The following PIK3C2G variants were observed in gnomAD, a reference collection of about 807,000 sequenced individuals.
PIK3C2G encodes phosphatidylinositol 3-kinase C2 domain-containing subunit gamma.
Under a neutral mutation model 181.1 loss-of-function variants are expected in PIK3C2G, and 168 were observed. The ratio of observed to expected loss-of-function variants is 0.93; its 90% confidence interval spans 0.82 to 1.05. The LOEUF (loss-of-function observed/expected upper bound fraction) is 1.05. PIK3C2G is among the 50% of genes least tolerant of loss of function. The probability of loss-of-function intolerance (pLI) is 0.00; values close to 1 mark genes in which losing one functional copy is unlikely to be tolerated. For missense variants in PIK3C2G, 1,869 were observed against 1,732.8 expected, an observed-to-expected ratio of 1.08 and a Z score of -1.40; for synonymous variants, 573 against 592.2, an observed-to-expected ratio of 0.97 and a Z score of 0.47.
the PIK3C2G span, among the ~76,000 whole-genome samples, chr12:18,704,717 T>C: frequency 6.6e-6 from 1 of 152,096 alleles, no homozygotes; most frequent in East Asian, 1.9e-4. Flanking sequence ...AATACTTCAG[T>C]ATGCTCAAAT....
chr12:18,723,338 T>C, the PIK3C2G span: 4 of 1,612,382 alleles, frequency 2.5e-6, no homozygotes, highest in East Asian at 2.2e-5. Context: ...TATTTCTGAA[T>C]GATCTCAAAA....
chr12:18,378,898 A>G (rs1942643909), intron 13 of PIK3C2G, among the ~76,000 whole-genome samples: 1 of 152,178 alleles, frequency 6.6e-6, no homozygotes, highest in African/African-American at 2.4e-5. Flanking sequence ...AAATAGGAAC[A>G]CTTTTACACT....
chr12:18,351,729 AT>A, intron 11 of PIK3C2G, among the ~76,000 whole-genome samples: 1 of 152,344 alleles, frequency 6.6e-6, no homozygotes, highest in South Asian at 2.1e-4. Context: ...GTCATCCTGT[AT>A]ACTGTAAATC....
chr12:18,588,606 G>T (rs888845778), intron 29 of PIK3C2G, among the ~76,000 whole-genome samples: 1 of 152,042 alleles, frequency 6.6e-6, no homozygotes. Context: ...TGCTGGAGAG[G>T]TTATGGAGAA....
chr12:18,679,423 G>T, the PIK3C2G span, among the ~76,000 whole-genome samples: 2 of 151,862 alleles, frequency 1.3e-5, no homozygotes, highest in Non-Finnish European at 2.9e-5. Context: ...CATAACTTTA[G>T]CTTTTTCATT....
intron 26 of PIK3C2G, among the ~76,000 whole-genome samples, chr12:18,557,713 T>G (rs1023835274): frequency 6.6e-6 from 1 of 152,130 alleles, no homozygotes; most frequent in Non-Finnish European, 1.5e-5. Context: ...TTCAAAAGAA[T>G]ATGCATATGT....
intron 18 of PIK3C2G, among the ~76,000 whole-genome samples, chr12:18,440,239 G>A (rs1233142436): frequency 6.6e-6 from 1 of 151,978 alleles, no homozygotes; most frequent in Non-Finnish European, 1.5e-5. Flanking sequence ...TTATAATCCT[G>A]TCCCATAGGA....
At chr12:18,365,027 G>C (rs1262822477) in intron 12 of PIK3C2G, among the ~76,000 whole-genome samples, 1 of 152,082 alleles carries the variant, frequency 6.6e-6, no homozygotes, top group Non-Finnish European at 1.5e-5. Context: ...CCATCATATA[G>C]ATAATTCAAG....
At chr12:18,516,917 T>A (rs536910146) in intron 24 of PIK3C2G, among the ~76,000 whole-genome samples, 1 of 152,144 alleles carries the variant, frequency 6.6e-6, no homozygotes, top group South Asian at 2.1e-4. Context: ...CTGAATTCCT[T>A]TAAGAAGATT....
chr12:18,505,600 C>A (rs562265123), intron 24 of PIK3C2G, 139 bp downstream of exon 24: 162 of 521,920 alleles, frequency 3.1e-4, no homozygotes, highest in African/African-American at 2.9e-3. Flanking sequence ...GATAATATAT[C>A]TAATAAGATT....
At chr12:18,334,648 C>T (rs917040221) in intron 8 of PIK3C2G, among the ~76,000 whole-genome samples, 6 of 152,192 alleles carry the variant, frequency 3.9e-5, no homozygotes, top group Non-Finnish European at 8.8e-5. Context: ...TACATTCTCT[C>T]TCGGGACAAT....
At chr12:18,325,944 A>G (rs1194192596) in intron 8 of PIK3C2G, among the ~76,000 whole-genome samples, 3 of 152,162 alleles carry the variant, frequency 2.0e-5, no homozygotes, top group Non-Finnish European at 2.9e-5. Context: ...TAGGCAGAGT[A>G]GTAGAATGAC....
intron 3 of PIK3C2G, among the ~76,000 whole-genome samples, chr12:18,288,245 T>C (rs1229268000): frequency 6.6e-6 from 1 of 152,362 alleles, no homozygotes. Context: ...GTTTGAAATA[T>C]AATAACTATA....
chr12:18,425,479 A>G (rs1161821640), intron 18 of PIK3C2G, among the ~76,000 whole-genome samples: 5 of 139,792 alleles, frequency 3.6e-5, no homozygotes, highest in Admixed American at 8.3e-5. Flanking sequence ...GCAACCTCCA[A>G]CTCTCTGGTT....
chr12:18,265,318 C>A (rs1948436712), intron 1 of PIK3C2G, among the ~76,000 whole-genome samples: 1 of 151,890 alleles, frequency 6.6e-6, no homozygotes, highest in African/African-American at 2.4e-5. Context: ...TGAATAAATA[C>A]AAAATTAAAT....
chr12:18,449,515 A>G, intron 18 of PIK3C2G, among the ~76,000 whole-genome samples: 1 of 151,824 alleles, frequency 6.6e-6, no homozygotes, highest in African/African-American at 2.4e-5. Flanking sequence ...ATGTGTTCTC[A>G]TTGTTCAACT....
At chr12:18,641,191 C>G (rs1949820858) in intron 32 of PIK3C2G, among the ~76,000 whole-genome samples, 1 of 152,110 alleles carries the variant, frequency 6.6e-6, no homozygotes, top group African/African-American at 2.4e-5. Flanking sequence ...AACAAAAACT[C>G]CCCAACTCAG....
intron 1 of PIK3C2G, among the ~76,000 whole-genome samples, chr12:18,266,801 T>C (rs1437669848): frequency 6.6e-6 from 1 of 151,968 alleles, no homozygotes; most frequent in East Asian, 1.9e-4. Context: ...TTTTTCTTCC[T>C]CCTCTCGTCC....
At chr12:18,661,121 A>C in the PIK3C2G span, among the ~76,000 whole-genome samples, 1 of 152,080 alleles carries the variant, frequency 6.6e-6, no homozygotes, top group Non-Finnish European at 1.5e-5. Context: ...GAATAGCAAT[A>C]AAGATTTAAG....
Sources: allele counts gnomAD v4.1 joint callset (sites outside exome capture counted in the v4.1 genomes callset), GRCh38; gene constraint gnomAD v4.1.1; transcripts MANE v1.5; gene names NCBI Gene and HGNC (gene_info 2026-07-23, HGNC 2026-07-21).